The following STAM variants were observed in gnomAD, a reference collection of about 807,000 sequenced individuals.
STAM encodes the protein signal transducing adaptor molecule, also known as signal transducing adapter molecule 1.
In STAM, 16 loss-of-function variants were observed where a neutral mutation model predicts 63.4. That is an observed-to-expected ratio of 0.25 (90% CI 0.17 to 0.38). The LOEUF (loss-of-function observed/expected upper bound fraction) is 0.38. Ranked by LOEUF, STAM falls within the 10% of genes least tolerant of loss-of-function variation. The probability of loss-of-function intolerance (pLI) is 1.00; values close to 1 mark genes in which losing one functional copy is unlikely to be tolerated. For synonymous variants in STAM, 238 were observed against 223.9 expected, an observed-to-expected ratio of 1.06 and a Z score of -0.56; for missense variants, 636 against 657.1, an observed-to-expected ratio of 0.97 and a Z score of 0.35.
intron 7 of STAM, chr10:17,695,791 T>TA (rs1224268723): frequency 1.3e-5 from 2 of 152,298 alleles, no homozygotes; most frequent in Non-Finnish European, 2.9e-5. Flanking sequence ...AGGTGTTTTT[T>TA]AAAAATCAGT....
chr10:17,698,794 C>T (rs1359507), intron 8 of STAM, among the ~76,000 whole-genome samples: 2,924 of 152,162 alleles, frequency 0.019, 30 homozygotes, highest in Middle Eastern at 0.027. Flanking sequence ...CAAACTTGCG[C>T]GTCAAGAGCT....
At chr10:17,695,330 A>G in intron 7 of STAM, 89 bp downstream of exon 7, 1 of 1,228,274 alleles carries the variant, frequency 8.1e-7, no homozygotes, top group Non-Finnish European at 1.1e-6. Context: ...GTTACCAAAT[A>G]CAATAATAAA....
chr10:17,666,436 T>C (rs543958496), intron 2 of STAM, among the ~76,000 whole-genome samples: 6 of 141,402 alleles, frequency 4.2e-5, no homozygotes, highest in African/African-American at 1.0e-4. Context: ...GCTTTGTTGC[T>C]CAGGCTGGAG....
intron 2 of STAM, chr10:17,673,000 A>G (rs1834702807): frequency 1.0e-6 from 1 of 984,590 alleles, no homozygotes; most frequent in Non-Finnish European, 1.2e-6. Flanking sequence ...GATGTGTCTT[A>G]CAAAAAGTTT....
chr10:17,661,597 C>G (rs1834167884), intron 2 of STAM, among the ~76,000 whole-genome samples: 1 of 152,158 alleles, frequency 6.6e-6, no homozygotes, highest in Non-Finnish European at 1.5e-5. Flanking sequence ...GAAACCAGAA[C>G]TCCTGTCTCT....
chr10:17,658,730 G>T (rs1834042798), intron 1 of STAM, among the ~76,000 whole-genome samples: 1 of 152,076 alleles, frequency 6.6e-6, no homozygotes, highest in South Asian at 2.1e-4. Flanking sequence ...CAAATGATCT[G>T]CCCACTTCGG....
chr10:17,695,182 T>C lies in STAM; in HGVS notation c.669T>C (p.Ala223=). Residue 223 remains alanine (A), a synonymous_variant, in exon 7 of 14, where the codon GCT becomes GCC. Transcript: ENST00000377524. ...RKVRAIYDFE[A]AEDNELTFKA... ...TTCGTGCTATATATGACTTTGAAGC[T>C]GCTGAAGACAATGAACTTACTTTTA... 1 of 1,614,092 alleles carries C rather than the reference T, an allele frequency of 6.2e-7. No individual in the cohort carries two copies. Among genetic ancestry groups the C allele is most frequent in the Non-Finnish European group, 8.5e-7 (1 of 1,179,970 alleles).
At chr10:17,697,100 T>A (rs782707456) in intron 8 of STAM, among the ~76,000 whole-genome samples, 1 of 152,136 alleles carries the variant, frequency 6.6e-6, no homozygotes, top group African/African-American at 2.4e-5. Flanking sequence ...TGTGTGTGTA[T>A]GTATTTTTAG....
intron 9 of STAM, 71 bp downstream of exon 9, chr10:17,700,350 A>AATTGATT: frequency 8.2e-7 from 1 of 1,215,856 alleles, no homozygotes; most frequent in Non-Finnish European, 1.1e-6. Flanking sequence ...TTTAAGAAAA[A>AATTGATT]ATTGATTACT....
At chr10:17,688,812 C>T (rs1175395699) in intron 5 of STAM, among the ~76,000 whole-genome samples, 3 of 152,106 alleles carry the variant, frequency 2.0e-5, no homozygotes, top group Admixed American at 1.3e-4. Context: ...TTAGGTAACA[C>T]TGTCTTTTTA....
chr10:17,691,391 G>A (rs963365631), intron 5 of STAM, among the ~76,000 whole-genome samples: 2 of 152,116 alleles, frequency 1.3e-5, no homozygotes, highest in Admixed American at 6.5e-5. Context: ...AGTGGCAGGT[G>A]CCTGTAGTCC....
chr10:17,673,649 GA>G (rs1376947189), intron 2 of STAM, among the ~76,000 whole-genome samples: 1 of 152,182 alleles, frequency 6.6e-6, no homozygotes, highest in Non-Finnish European at 1.5e-5. Context: ...ATGATGGGGA[GA>G]TAAGTAGTTA....
Position 17,700,194 on chromosome 10 carries a change from A to T in STAM, c.827A>T (p.Lys276Ile), listed in dbSNP as rs1835927690. 6.2e-7 allele frequency: 1 copy of T among 1,603,656 alleles called. No homozygotes were observed. Among genetic ancestry groups the T allele is most frequent in the African/African-American group, 1.3e-5 (1 of 74,412 alleles). The change falls in exon 9 of 14, where the codon AAA becomes ATA. Residue 276 changes from lysine (K) to isoleucine (I), a missense_variant. By Grantham distance (102) the Lys-to-Ile change is moderately radical. Around this residue, in one of 3 missense-constraint regions of STAM, gnomAD observed 532 missense variants for 536.9 expected, o/e 0.99. Coordinates refer to ENST00000377524, the MANE Select transcript of STAM (RefSeq NM_003473.4). ...ADLTAEPEMIKTEKKTVQFSD... is the reference protein window; with the variant it reads ...ADLTAEPEMIITEKKTVQFSD... ...ATAACTTTTACATATCTTACAGTTAAAACAGAGAAGAAGACGGTACAATTT... is the reference window on the plus strand; with the variant it reads ...ATAACTTTTACATATCTTACAGTTATAACAGAGAAGAAGACGGTACAATTT...
At chr10:17,714,518 A>C in intron 13 of STAM, 25 bp from the exon 14 acceptor site, 1 of 1,598,734 alleles carries the variant, frequency 6.3e-7, no homozygotes. Context: ...TATTGATGTA[A>C]TTGAGTGTTT....
chr10:17,670,247 C>T (rs1041941783), intron 2 of STAM, among the ~76,000 whole-genome samples: 1 of 152,110 alleles, frequency 6.6e-6, no homozygotes, highest in Admixed American at 6.6e-5. Flanking sequence ...TTTTATTTTA[C>T]TAAGTCTTAA....
At chr10:17,703,573 A>C (rs1384642984) in intron 9 of STAM, among the ~76,000 whole-genome samples, 3 of 152,088 alleles carry the variant, frequency 2.0e-5, no homozygotes, top group African/African-American at 7.2e-5. Flanking sequence ...ATCTGTTTGG[A>C]TTTTTTAAAA....
intron 1 of STAM, among the ~76,000 whole-genome samples, chr10:17,657,206 T>A (rs1833975423): frequency 6.6e-6 from 1 of 152,190 alleles, no homozygotes; most frequent in Non-Finnish European, 1.5e-5. Context: ...TTTAACACTT[T>A]AATGTTTAAC....
chr10:17,714,027 T>C (rs1159896142), intron 13 of STAM, among the ~76,000 whole-genome samples: 5 of 152,172 alleles, frequency 3.3e-5, no homozygotes, highest in African/African-American at 1.2e-4. Flanking sequence ...TGGTGTTTTC[T>C]CTCCTCAAAG....
intron 2 of STAM, among the ~76,000 whole-genome samples, chr10:17,660,827 T>C (rs1834138534): frequency 1.3e-5 from 2 of 152,208 alleles, no homozygotes; most frequent in African/African-American, 2.4e-5. Context: ...GAGAATATTT[T>C]TATTAAAAAG....
Sources: gnomAD v4.1 joint callset for allele counts (sites outside exome capture counted in the v4.1 genomes callset) on GRCh38, gnomAD v4.1.1 for gene constraint, gnomAD v4.1.1 regional missense constraint, MANE v1.5 for transcripts, NCBI Gene and HGNC (gene_info 2026-07-23, HGNC 2026-07-21) for gene names.